UNC5B: variants seen among roughly 807,000 people sequenced by gnomAD.
UNC5B encodes the protein unc-5 netrin receptor B, also known as netrin receptor UNC5B.
In UNC5B, 56 loss-of-function variants were observed where a neutral mutation model predicts 103.7. The observed-to-expected ratio is 0.54, with a 90% CI of 0.44 to 0.67. UNC5B has a LOEUF of 0.67. Ranked by LOEUF, UNC5B falls within the 30% of genes least tolerant of loss-of-function variation. The probability of loss-of-function intolerance (pLI) is 0.00; values close to 1 mark genes in which losing one functional copy is unlikely to be tolerated. For missense variants in UNC5B, 1,194 were observed against 1,284.5 expected (o/e 0.93, Z 1.08); for synonymous variants, 577 against 542.0 (o/e 1.06, Z -0.90).
intron 1 of UNC5B, among the ~76,000 whole-genome samples, chr10:71,233,385 G>A (rs551911364): frequency 3.9e-5 from 6 of 152,172 alleles, no homozygotes; most frequent in African/African-American, 1.2e-4. Context: ...ATGCTGAGCC[G>A]CATCCCTAGC....
At chr10:71,248,351 C>T (rs1244919770) in intron 1 of UNC5B, among the ~76,000 whole-genome samples, 1 of 152,118 alleles carries the variant, frequency 6.6e-6, no homozygotes, top group Non-Finnish European at 1.5e-5. Flanking sequence ...ATACACACAG[C>T]GCCCTGGAGA....
chr10:71,273,497 A>C (rs956994447), intron 1 of UNC5B, among the ~76,000 whole-genome samples: 7 of 152,232 alleles, frequency 4.6e-5, no homozygotes, highest in African/African-American at 1.7e-4. Context: ...CCCTCCTCTG[A>C]GAAGACCCTC....
chr10:71,216,032 C>T (rs1055039156), intron 1 of UNC5B, among the ~76,000 whole-genome samples: 5 of 152,148 alleles, frequency 3.3e-5, no homozygotes, highest in Admixed American at 1.3e-4. Context: ...CACCTCTCTC[C>T]CCTCCCCCAC....
intron 11 of UNC5B, 80 bp downstream of exon 11, chr10:71,292,634 C>A: frequency 1.6e-6 from 2 of 1,274,496 alleles, no homozygotes; most frequent in Non-Finnish European, 1.1e-6. Context: ...CCCTTCTAAG[C>A]CTGATGCCAA....
rs147710785 is a variant in UNC5B, at chr10:71,293,523, C to T, written c.1891C>T (p.Arg631Cys). 45 of 1,613,976 alleles carry T rather than the reference C, an allele frequency of 2.8e-5. No individual in the cohort carries two copies. Among genetic ancestry groups the T allele is most frequent in the East Asian group, 1.6e-4 (7 of 44,878 alleles). Residue 631 changes from arginine (R) to cysteine (C), a missense_variant, in exon 12 of 17, where the codon CGT (arginine) becomes TGT (cysteine). By Grantham distance (180) the Arg-to-Cys change is radical (BLOSUM62 -3). Coordinates refer to ENST00000335350, the MANE Select transcript of UNC5B (RefSeq NM_170744.5). ...GCCCCACTGTGCCGAAGTCAGTGCC[C>T]GTGACTGGATCTTTCAGCTCAAGAC... is the stretch of plus-strand genomic sequence containing the variant. ...TMPHCAEVSA[R>C]DWIFQLKTQA...
At chr10:71,272,293 C>T (rs1844665877) in intron 1 of UNC5B, among the ~76,000 whole-genome samples, 1 of 152,198 alleles carries the variant, frequency 6.6e-6, no homozygotes, top group African/African-American at 2.4e-5. Context: ...CGCCTGACTC[C>T]TCCCCTCCCT....
At position 71,274,578 on chromosome 10, in the gene UNC5B, TA is replaced by T. The variant is rs377073081; in HGVS notation, c.80-5241del. 4.3e-3 allele frequency among the ~76,000 whole-genome samples: 658 copies of T among 152,200 alleles called. 3 individuals carry two copies. The highest frequency in any genetic ancestry group is 0.02 in the South Asian group (94 of 4,814). On this transcript the variant is annotated intron_variant, in intron 1 of 16. Transcript: ENST00000335350. The stretch of plus-strand genomic sequence containing the variant: ...ACGTTGGATGAGATGGCCCTTTAAG[TA>T]ACTTCTATAGAGACTTCATAAAGAG...
At chr10:71,284,086 G>C (rs1407675383) in intron 2 of UNC5B, among the ~76,000 whole-genome samples, 1 of 152,210 alleles carries the variant, frequency 6.6e-6, no homozygotes, top group Non-Finnish European at 1.5e-5. Context: ...GCTGGGTAGG[G>C]GAGTGACTGC....
chr10:71,235,398 C>T (rs1052677126), intron 1 of UNC5B, among the ~76,000 whole-genome samples: 3 of 152,206 alleles, frequency 2.0e-5, no homozygotes, highest in African/African-American at 7.2e-5. Context: ...GGACTGGTTT[C>T]CCTGGGTGGG....
At chr10:71,267,810 A>G (rs1844554209) in intron 1 of UNC5B, among the ~76,000 whole-genome samples, 1 of 152,084 alleles carries the variant, frequency 6.6e-6, no homozygotes, top group South Asian at 2.1e-4. Flanking sequence ...CCAGCTGACA[A>G]CTCAGCTGCT....
rs143650896 is a variant in UNC5B, at chr10:71,234,118, T to G, written c.79+21054T>G. 3.1e-3 allele frequency among the ~76,000 whole-genome samples: 465 copies of G among 152,256 alleles called. 1 individual carries two copies. The highest frequency in any genetic ancestry group is 0.01 in the African/African-American group (433 of 41,542). ...ACAAAATGTTAGCACTGAAGAGATA[T>G]CTTCCTCATTTTATAGATGAGGAAA... On this transcript the variant is annotated intron_variant, in intron 1 of 16. Transcript: ENST00000335350.
At chr10:71,266,478 C>A (rs147981461) in intron 1 of UNC5B, among the ~76,000 whole-genome samples, 1 of 152,138 alleles carries the variant, frequency 6.6e-6, no homozygotes, top group South Asian at 2.1e-4. Context: ...GGCGGCCCAG[C>A]GATTACATCA....
At chr10:71,217,266 A>T (rs1157348662) in intron 1 of UNC5B, 2 of 152,716 alleles carry the variant, frequency 1.3e-5, no homozygotes, top group African/African-American at 2.4e-5. Flanking sequence ...GAAATTAAAA[A>T]TACCGTAATT....
chr10:71,256,154 C>T (rs7068362), intron 1 of UNC5B, among the ~76,000 whole-genome samples: 4,141 of 152,282 alleles, frequency 0.027, 177 homozygotes, highest in African/African-American at 0.09. Context: ...TGGAAGATCT[C>T]CAGGTGACAT....
chr10:71,235,606 C>G (rs1226734653), intron 1 of UNC5B, among the ~76,000 whole-genome samples: 2 of 152,222 alleles, frequency 1.3e-5, no homozygotes, highest in African/African-American at 4.8e-5. Context: ...TGGCCCTTCC[C>G]AGGCCAGACG....
chr10:71,213,381 C>A lies in UNC5B; in HGVS notation c.79+317C>A, dbSNP rs544923973. 4.6e-5 allele frequency among the ~76,000 whole-genome samples: 7 copies of A among 152,212 alleles called. No individual in the cohort carries two copies. Among genetic ancestry groups the A allele is most frequent in the Admixed American group, 2.0e-4 (3 of 15,306 alleles). ...GGAGGATCCGCCTCCTGGGGACGCC[C>A]GGCTCTCCGCGCGCCTGGCATCCGC... On this transcript the variant is annotated intron_variant, in intron 1 of 16. Coordinates refer to ENST00000335350, the MANE Select transcript of UNC5B (RefSeq NM_170744.5). The surrounding 1 kb of genome is among the most constrained non-coding windows in gnomAD (Gnocchi z 4.1).
In UNC5B at chr10:71,213,157, C is replaced by T. The variant is rs1236133976; in HGVS notation, c.79+93C>T. On this transcript the variant is annotated intron_variant, in intron 1 of 16. Transcript: ENST00000335350. The surrounding 1 kb of genome is among the most constrained non-coding windows in gnomAD (Gnocchi z 4.1). Reference sequence around the variant, plus strand: ...GAGGTGGTCTTTCGTCGCATCGATGCGCGCAGGAAAAGCGGCAAGGGCGCC... The same window carrying T: ...GAGGTGGTCTTTCGTCGCATCGATGTGCGCAGGAAAAGCGGCAAGGGCGCC... 7 of 1,074,796 alleles carry T rather than the reference C, an allele frequency of 6.5e-6. No individual in the cohort carries two copies. The highest frequency in any genetic ancestry group is 8.3e-6 in the Non-Finnish European group (7 of 841,404). 66.6% of individuals were successfully genotyped at this position (1,074,796 alleles called of 1,614,324 possible). A position where few individuals can be genotyped will look rare whatever the true frequency, so the allele number is the denominator to read the frequency against.
At chr10:71,231,187 A>C (rs1210542773) in intron 1 of UNC5B, among the ~76,000 whole-genome samples, 3 of 152,230 alleles carry the variant, frequency 2.0e-5, no homozygotes, top group Non-Finnish European at 4.4e-5. Flanking sequence ...CCTGAGGGGC[A>C]GAAGGTGCCA....
At chr10:71,235,024 GCCC>G in intron 1 of UNC5B, among the ~76,000 whole-genome samples, 1 of 152,214 alleles carries the variant, frequency 6.6e-6, no homozygotes, top group Admixed American at 6.5e-5. Flanking sequence ...GCCCAGGGGG[GCCC>G]CTCCTCCCCC....
Sources: allele counts gnomAD v4.1 joint callset (sites outside exome capture counted in the v4.1 genomes callset), GRCh38; gene constraint gnomAD v4.1.1; non-coding constraint Gnocchi (gnomAD v3.1); transcripts MANE v1.5; gene names NCBI Gene and HGNC (gene_info 2026-07-23, HGNC 2026-07-21).